CSMD1: variants seen among roughly 807,000 people sequenced by gnomAD.
CSMD1 encodes the protein CUB and sushi domain-containing protein 1.
Under a neutral mutation model 417.5 loss-of-function variants are expected in CSMD1, and 213 were observed. That is an observed-to-expected ratio of 0.51 (90% CI 0.46 to 0.57). CSMD1 has a LOEUF of 0.57. CSMD1 is among the 20% of genes least tolerant of loss of function. The probability of loss-of-function intolerance (pLI) is 0.00; values close to 1 mark genes in which losing one functional copy is unlikely to be tolerated. For synonymous variants in CSMD1, 2,862 were observed against 1,736.8 expected, an observed-to-expected ratio of 1.65 and a Z score of -16.11; for missense variants, 6,923 against 4,529.7, an observed-to-expected ratio of 1.53 and a Z score of -15.17.
intron 7 of CSMD1, among the ~76,000 whole-genome samples, chr8:3,624,051 G>A (rs1261079573): frequency 5.3e-5 from 8 of 152,000 alleles, no homozygotes; most frequent in Non-Finnish European, 1.2e-4. Context: ...ATGCGTTGAA[G>A]GGCTTTGTAA....
chr8:3,275,621 CT>C (rs1176751677), intron 26 of CSMD1, among the ~76,000 whole-genome samples: 1 of 152,060 alleles, frequency 6.6e-6, no homozygotes, highest in East Asian at 1.9e-4. Flanking sequence ...GGAGGCTTTG[CT>C]CGTTTCTTTT....
At chr8:4,382,135 C>T (rs1803145076) in intron 3 of CSMD1, among the ~76,000 whole-genome samples, 1 of 152,268 alleles carries the variant, frequency 6.6e-6, no homozygotes, top group East Asian at 1.9e-4. Flanking sequence ...TAAAGGACAT[C>T]TTTGACAAAG....
chr8:3,728,541 A>T (rs1802629840), intron 6 of CSMD1, among the ~76,000 whole-genome samples: 1 of 152,166 alleles, frequency 6.6e-6, no homozygotes. Context: ...ATATAAACGT[A>T]GGTTTGCCTA....
At chr8:3,114,422 A>G (rs1816729108) in intron 42 of CSMD1, among the ~76,000 whole-genome samples, 1 of 150,000 alleles carries the variant, frequency 6.7e-6, no homozygotes, top group South Asian at 2.1e-4. Flanking sequence ...ATAAATATGA[A>G]TATAAAAATA....
chr8:4,917,697 G>C (rs1806165204), intron 1 of CSMD1, among the ~76,000 whole-genome samples: 1 of 152,128 alleles, frequency 6.6e-6, no homozygotes, highest in Admixed American at 6.5e-5. Flanking sequence ...GGGGCATAGA[G>C]ACAAACCGTA....
At chr8:4,878,870 C>A (rs1198416160) in intron 1 of CSMD1, among the ~76,000 whole-genome samples, 1 of 149,902 alleles carries the variant, frequency 6.7e-6, no homozygotes, top group Non-Finnish European at 1.5e-5. Flanking sequence ...TAAGGCAGAA[C>A]CCAGACACAC....
chr8:3,827,051 A>C (rs1464289422), intron 5 of CSMD1, among the ~76,000 whole-genome samples: 1 of 152,158 alleles, frequency 6.6e-6, no homozygotes, highest in Non-Finnish European at 1.5e-5. Flanking sequence ...TGAAGTGTTG[A>C]CATTATAGGC....
chr8:4,217,553 A>C (rs1424212151), intron 3 of CSMD1, among the ~76,000 whole-genome samples: 7 of 152,116 alleles, frequency 4.6e-5, no homozygotes, highest in Non-Finnish European at 1.0e-4. Flanking sequence ...TGAATAAGGA[A>C]GGCTTTACGC....
At chr8:3,822,170 G>C (rs532192525) in intron 5 of CSMD1, among the ~76,000 whole-genome samples, 3 of 152,184 alleles carry the variant, frequency 2.0e-5, no homozygotes, top group South Asian at 2.1e-4. Context: ...GCCAACCCTT[G>C]AATCGTTTAA....
chr8:3,729,777 G>A (rs1254146344), intron 6 of CSMD1, among the ~76,000 whole-genome samples: 2 of 151,956 alleles, frequency 1.3e-5, no homozygotes, highest in East Asian at 1.9e-4. Flanking sequence ...TATTTCAGGT[G>A]ATAGATATCC....
At chr8:3,346,826 C>T (rs943107196) in intron 22 of CSMD1, among the ~76,000 whole-genome samples, 1 of 152,190 alleles carries the variant, frequency 6.6e-6, no homozygotes. Flanking sequence ...TCATTATGTG[C>T]ATCTACGTAG....
intron 1 of CSMD1, among the ~76,000 whole-genome samples, chr8:4,715,976 T>C (rs992804074): frequency 3.3e-5 from 5 of 152,204 alleles, no homozygotes; most frequent in South Asian, 2.1e-4. Flanking sequence ...GGTCCTGTGA[T>C]GACTGCTTAA....
At chr8:4,414,433 G>C (rs974392773) in intron 3 of CSMD1, among the ~76,000 whole-genome samples, 1 of 152,100 alleles carries the variant, frequency 6.6e-6, no homozygotes, top group Admixed American at 6.5e-5. Flanking sequence ...ATGTTCAATG[G>C]ATTAATAAAT....
chr8:4,904,596 G>C (rs11996241), intron 1 of CSMD1, among the ~76,000 whole-genome samples: 1 of 152,000 alleles, frequency 6.6e-6, no homozygotes, highest in South Asian at 2.1e-4. Context: ...ATATCATTAA[G>C]CACATATATG....
intron 2 of CSMD1, among the ~76,000 whole-genome samples, chr8:4,551,044 G>C (rs1289115429): frequency 1.3e-5 from 2 of 152,122 alleles, no homozygotes; most frequent in African/African-American, 4.8e-5. Flanking sequence ...AGTAGTCCTT[G>C]ACAACAAATT....
intron 7 of CSMD1, among the ~76,000 whole-genome samples, 154 bp from the exon 8 acceptor site, chr8:3,616,951 G>T (rs1248810028): frequency 4.0e-5 from 6 of 150,174 alleles, no homozygotes; most frequent in African/African-American, 1.5e-4. Flanking sequence ...ATTCAAATAA[G>T]TGTTTATATT....
intron 12 of CSMD1, among the ~76,000 whole-genome samples, chr8:3,447,132 A>G (rs1815354808): frequency 6.6e-6 from 1 of 152,226 alleles, no homozygotes; most frequent in Admixed American, 6.5e-5. Flanking sequence ...CAAAAGCACA[A>G]CAGACATGAT....
intron 3 of CSMD1, among the ~76,000 whole-genome samples, chr8:4,034,976 C>G (rs1797539554): frequency 6.6e-6 from 1 of 152,146 alleles, no homozygotes; most frequent in Admixed American, 6.6e-5. Context: ...GTCTGCGCGA[C>G]TCTTCTATAC....
At chr8:3,421,705 T>G (rs11136623) in intron 12 of CSMD1, among the ~76,000 whole-genome samples, 2 of 152,164 alleles carry the variant, frequency 1.3e-5, no homozygotes, top group Non-Finnish European at 2.9e-5. Context: ...TGCTGTAATC[T>G]TGGCTCGCTA....
Sources: allele counts gnomAD v4.1 joint callset (sites outside exome capture counted in the v4.1 genomes callset), GRCh38; gene constraint gnomAD v4.1.1; transcripts MANE v1.5; gene names NCBI Gene and HGNC (gene_info 2026-07-23, HGNC 2026-07-21).